The following CTNNA3 variants were observed in gnomAD, a reference collection of about 807,000 sequenced individuals.
CTNNA3 encodes the protein catenin alpha-3.
A neutral mutation model predicts 95.7 loss-of-function variants in CTNNA3; 76 were observed. The ratio of observed to expected loss-of-function variants is 0.79; its 90% confidence interval spans 0.66 to 0.96. The LOEUF (loss-of-function observed/expected upper bound fraction) is 0.96, where lower values mean the gene tolerates loss of function less well. Ranked by LOEUF, CTNNA3 falls within the 40% of genes least tolerant of loss-of-function variation. The probability of loss-of-function intolerance (pLI) is 0.00; values close to 1 mark genes in which losing one functional copy is unlikely to be tolerated. For missense variants in CTNNA3, 1,191 were observed against 1,089.8 expected (o/e 1.09, Z -1.31); for synonymous variants, 431 against 374.4 (o/e 1.15, Z -1.74).
chr10:67,439,623 A>G (rs568981046), intron 5 of CTNNA3, among the ~76,000 whole-genome samples: 10 of 152,120 alleles, frequency 6.6e-5, no homozygotes, highest in Non-Finnish European at 1.2e-4. Flanking sequence ...AACAATAAGG[A>G]TTACAATTAA....
At chr10:66,985,575 C>T (rs891646766) in intron 7 of CTNNA3, among the ~76,000 whole-genome samples, 2 of 152,062 alleles carry the variant, frequency 1.3e-5, no homozygotes, top group African/African-American at 4.8e-5. Flanking sequence ...TAAGGCAGAC[C>T]AACGACAGAG....
At chr10:66,558,058 T>C (rs961610506) in intron 10 of CTNNA3, among the ~76,000 whole-genome samples, 4 of 152,090 alleles carry the variant, frequency 2.6e-5, no homozygotes, top group African/African-American at 9.7e-5. Flanking sequence ...TCAGTGATAC[T>C]GGAATGCCAG....
At chr10:67,081,610 G>T (rs971617903) in intron 7 of CTNNA3, among the ~76,000 whole-genome samples, 3 of 152,116 alleles carry the variant, frequency 2.0e-5, no homozygotes, top group Non-Finnish European at 2.9e-5. Flanking sequence ...CTACCATTTT[G>T]CTATGCCTGT....
chr10:66,978,759 T>C (rs941792637), intron 7 of CTNNA3, among the ~76,000 whole-genome samples: 11 of 141,762 alleles, frequency 7.8e-5, no homozygotes, highest in African/African-American at 2.7e-4. Context: ...AAAGGATTTT[T>C]ATTTAATTAA....
In CTNNA3 at chr10:67,559,457, C is replaced by G. The variant is rs567927353; in HGVS notation, c.293-19788G>C. On this transcript the variant is annotated intron_variant, in intron 3 of 17. Transcript: ENST00000433211. The stretch of plus-strand genomic sequence containing the variant: ...GTCTGTTAGAAGGAAAAATAACAAA[C>G]AGAAAGGACATCCACACCAAAAACC... 2.9e-3 allele frequency among the ~76,000 whole-genome samples: 446 copies of G among 152,278 alleles called. 1 individual carries two copies. Among genetic ancestry groups the G allele is most frequent in the African/African-American group, 9.9e-3 (411 of 41,544 alleles).
chr10:67,183,458 A>G (rs1473649859), intron 6 of CTNNA3, among the ~76,000 whole-genome samples: 2 of 151,780 alleles, frequency 1.3e-5, no homozygotes, highest in Non-Finnish European at 2.9e-5. Context: ...CAAACACCGC[A>G]TGCTCTCACT....
At chr10:66,148,982 T>C (rs1369150313) in intron 13 of CTNNA3, among the ~76,000 whole-genome samples, 1 of 151,406 alleles carries the variant, frequency 6.6e-6, no homozygotes, top group African/African-American at 2.4e-5. Context: ...ATGCATTATA[T>C]TTAGATATTT....
In CTNNA3 at chr10:67,034,676, C is replaced by T. The variant is rs868298561; in HGVS notation, c.1047+145641G>A. On this transcript the variant is annotated intron_variant, in intron 7 of 17. Transcript: ENST00000433211. ...CTCCTTACACCTAATCTTTCTCAAA[C>T]GAACTTATTTAACCACATCACCACC... 3.2e-4 allele frequency among the ~76,000 whole-genome samples: 49 copies of T among 152,272 alleles called. 1 individual carries two copies. Among genetic ancestry groups the T allele is most frequent in the Middle Eastern group, 6.8e-3 (2 of 294 alleles).
Position 66,342,866 on chromosome 10 carries a change from A to C in CTNNA3, c.1732+36286T>G, listed in dbSNP as rs377677309. On this transcript the variant is annotated intron_variant, in intron 12 of 17. Coordinates refer to ENST00000433211, the MANE Select transcript of CTNNA3 (RefSeq NM_013266.4). The stretch of plus-strand genomic sequence containing the variant: ...TTTGTCGTATTATTTGTTCAATGAC[A>C]ACTATATGTAAAGAATTATTTGGAA... Among the ~76,000 whole-genome samples the C allele has an allele frequency of 4.5e-4, 69 of 152,234 alleles. 1 individual carries two copies. The South Asian group carries it at 0.014, about 31-fold the overall frequency.
intron 13 of CTNNA3, among the ~76,000 whole-genome samples, chr10:66,189,263 G>T (rs1204297173): frequency 3.9e-5 from 5 of 129,606 alleles, no homozygotes; most frequent in Non-Finnish European, 4.8e-5. Context: ...TACACTTTTG[G>T]AGTTCTATCA....
intron 10 of CTNNA3, among the ~76,000 whole-genome samples, chr10:66,544,389 T>C (rs924726532): frequency 2.6e-5 from 4 of 152,066 alleles, no homozygotes; most frequent in Admixed American, 6.6e-5. Context: ...AAACTAATCA[T>C]TGCAAGCAAA....
chr10:67,220,157 T>G (rs1279577907), intron 5 of CTNNA3, among the ~76,000 whole-genome samples: 1 of 152,174 alleles, frequency 6.6e-6, no homozygotes, highest in Non-Finnish European at 1.5e-5. Context: ...TCCTTATAAG[T>G]AGCTAAAATA....
chr10:67,623,613 G>C (rs1032535461), intron 2 of CTNNA3, among the ~76,000 whole-genome samples: 1 of 152,006 alleles, frequency 6.6e-6, no homozygotes, highest in African/African-American at 2.4e-5. Flanking sequence ...AAGCTGAAAG[G>C]GATCATTTTC....
chr10:67,133,328 T>TATATATATATATATATAC (rs145659453), intron 7 of CTNNA3, among the ~76,000 whole-genome samples: 4 of 105,346 alleles, frequency 3.8e-5, no homozygotes, highest in African/African-American at 1.1e-4. Context: ...TATATATTTA[T>TATATATATATATATATAC]ACACACACAC....
intron 13 of CTNNA3, among the ~76,000 whole-genome samples, chr10:66,120,952 G>A (rs2082547325): frequency 6.6e-6 from 1 of 152,156 alleles, no homozygotes; most frequent in Admixed American, 6.5e-5. Flanking sequence ...TGCAACAGAA[G>A]CTGTGAAAAT....
chr10:66,176,720 A>G (rs977587781), intron 13 of CTNNA3, among the ~76,000 whole-genome samples: 7 of 152,076 alleles, frequency 4.6e-5, no homozygotes, highest in African/African-American at 1.7e-4. Flanking sequence ...AGTGTCATCT[A>G]TGAACCAGAA....
At chr10:66,914,779 A>T (rs1057409870) in intron 7 of CTNNA3, among the ~76,000 whole-genome samples, 18 of 152,324 alleles carry the variant, frequency 1.2e-4, no homozygotes, top group Admixed American at 5.9e-4. Flanking sequence ...CAACTCTGCC[A>T]TTGTAGCTTG....
At chr10:66,685,351 A>ATATT (rs1847254170) in intron 9 of CTNNA3, among the ~76,000 whole-genome samples, 1 of 28,270 alleles carries the variant, frequency 3.5e-5, no homozygotes, top group Non-Finnish European at 5.6e-5. Context: ...ATATATATAT[A>ATATT]TTTTTTTTTT....
intron 7 of CTNNA3, among the ~76,000 whole-genome samples, chr10:67,128,819 TAAG>T (rs1859849769): frequency 6.6e-6 from 1 of 152,152 alleles, no homozygotes; most frequent in African/African-American, 2.4e-5. Flanking sequence ...CTCAAGTATT[TAAG>T]ACTTTTTAAA....
Sources: gnomAD v4.1 joint callset for allele counts (sites outside exome capture counted in the v4.1 genomes callset) on GRCh38, gnomAD v4.1.1 for gene constraint, MANE v1.5 for transcripts, NCBI Gene and HGNC (gene_info 2026-07-23, HGNC 2026-07-21) for gene names.